Variants in PCDH9 observed in about 807,000 individuals in gnomAD.
PCDH9 encodes the protein protocadherin-9.
PCDH9 carries 24 observed loss-of-function variants against 70.6 expected under a neutral mutation model. The observed-to-expected ratio is 0.34, with a 90% CI of 0.25 to 0.48. PCDH9 has a LOEUF of 0.48. PCDH9 is among the 20% of genes least tolerant of loss of function. The probability of loss-of-function intolerance (pLI) is 0.99; values close to 1 mark genes in which losing one functional copy is unlikely to be tolerated. For synonymous variants in PCDH9, 562 were observed against 558.5 expected (o/e 1.01, Z -0.09); for missense variants, 1,281 against 1,503.6 (o/e 0.85, Z 2.45).
In PCDH9 at chr13:66,841,358, G is replaced by A. The variant is rs540388196; in HGVS notation, c.3138+62146C>T. On this transcript the variant is annotated intron_variant, in intron 3 of 4. Coordinates refer to ENST00000377865, the MANE Select transcript of PCDH9 (RefSeq NM_203487.3). Reference sequence around the variant, plus strand: ...TGAAAATTATGTGATTTCCCCCCACGCTTGTTTTTCATGTTTAACTAAGTG... The same window carrying A: ...TGAAAATTATGTGATTTCCCCCCACACTTGTTTTTCATGTTTAACTAAGTG... Among the ~76,000 whole-genome samples, 8 of 152,152 alleles carry A rather than the reference G, an allele frequency of 5.3e-5. No homozygotes were observed. The East Asian group carries it at 1.2e-3, about 22-fold the overall frequency.
chr13:67,205,612 C>G (rs191781002), intron 2 of PCDH9: 1 of 152,144 alleles, frequency 6.6e-6, no homozygotes, highest in Non-Finnish European at 1.5e-5. Flanking sequence ...TAAATAAGAA[C>G]TGTACTCATG....
chr13:66,588,117 T>C (rs1473146448), intron 4 of PCDH9, among the ~76,000 whole-genome samples: 1 of 152,074 alleles, frequency 6.6e-6, no homozygotes, highest in Non-Finnish European at 1.5e-5. Context: ...CTTGACAGAA[T>C]TTCCCTGTGG....
At chr13:66,396,503 G>A (rs1957103516) in intron 4 of PCDH9, among the ~76,000 whole-genome samples, 1 of 152,216 alleles carries the variant, frequency 6.6e-6, no homozygotes, top group East Asian at 1.9e-4. Context: ...TGTAGCAAAT[G>A]CTCATCAGCA....
At chr13:67,181,333 T>G (rs1297554468) in intron 2 of PCDH9, among the ~76,000 whole-genome samples, 2 of 152,152 alleles carry the variant, frequency 1.3e-5, no homozygotes, top group East Asian at 3.9e-4. Context: ...GCTATCGGTC[T>G]TAGTTTTTAG....
At chr13:67,152,221 G>A (rs1380827457) in intron 2 of PCDH9, among the ~76,000 whole-genome samples, 1 of 152,126 alleles carries the variant, frequency 6.6e-6, no homozygotes, top group Non-Finnish European at 1.5e-5. Flanking sequence ...ATAGGAAACG[G>A]AACTCTGCCA....
chr13:67,083,682 G>C (rs749814856), intron 2 of PCDH9, among the ~76,000 whole-genome samples: 27 of 152,152 alleles, frequency 1.8e-4, no homozygotes, highest in Non-Finnish European at 1.8e-4. Context: ...CTAAATGGAA[G>C]ATGTCAGAGT....
At chr13:67,057,425 G>A (rs1003662390) in intron 2 of PCDH9, among the ~76,000 whole-genome samples, 26 of 151,922 alleles carry the variant, frequency 1.7e-4, no homozygotes, top group African/African-American at 5.3e-4. Flanking sequence ...GAAGGATAAC[G>A]CGCCTCGGAT....
chr13:66,441,206 C>T (rs144204020), intron 4 of PCDH9, among the ~76,000 whole-genome samples: 193 of 152,206 alleles, frequency 1.3e-3, no homozygotes, highest in Middle Eastern at 6.8e-3. Flanking sequence ...GTGTGTTATC[C>T]GTAAGAGCTC....
chr13:66,482,919 G>GTAAC (rs1301255820), intron 4 of PCDH9, among the ~76,000 whole-genome samples: 1 of 152,112 alleles, frequency 6.6e-6, no homozygotes, highest in Non-Finnish European at 1.5e-5. Context: ...TGGTTCTGTG[G>GTAAC]TAACCTTTTT....
intron 2 of PCDH9, among the ~76,000 whole-genome samples, chr13:67,134,296 G>A (rs1396603703): frequency 1.3e-5 from 2 of 152,020 alleles, no homozygotes; most frequent in African/African-American, 4.8e-5. Context: ...TTAGATATAG[G>A]TCATTTCATT....
intron 2 of PCDH9, among the ~76,000 whole-genome samples, chr13:66,974,524 G>A (rs1178446210): frequency 1.3e-5 from 2 of 151,896 alleles, no homozygotes; most frequent in Non-Finnish European, 2.9e-5. Context: ...CAGAGTTGAG[G>A]GGGAGACAGT....
At chr13:66,770,658 A>G (rs1335837424) in intron 3 of PCDH9, among the ~76,000 whole-genome samples, 3 of 152,176 alleles carry the variant, frequency 2.0e-5, no homozygotes, top group Non-Finnish European at 2.9e-5. Flanking sequence ...ATAAGTCATC[A>G]ATGGACTGTT....
intron 3 of PCDH9, among the ~76,000 whole-genome samples, chr13:66,774,380 G>A (rs2079857310): frequency 6.6e-6 from 1 of 152,164 alleles, no homozygotes; most frequent in South Asian, 2.1e-4. Flanking sequence ...CTCCCAAACA[G>A]ATGGTTTACC....
intron 2 of PCDH9, among the ~76,000 whole-genome samples, chr13:66,972,813 T>C (rs1000783907): frequency 1.2e-4 from 19 of 152,050 alleles, no homozygotes; most frequent in Admixed American, 7.2e-4. Flanking sequence ...CTAATTCTTA[T>C]TGAAATTTTA....
intron 3 of PCDH9, among the ~76,000 whole-genome samples, chr13:66,688,330 C>G (rs1182203563): frequency 6.6e-6 from 1 of 152,064 alleles, no homozygotes; most frequent in Non-Finnish European, 1.5e-5. Flanking sequence ...AACTTGTGTC[C>G]TATTTATTTT....
intron 3 of PCDH9, among the ~76,000 whole-genome samples, chr13:66,670,099 T>G (rs987545553): frequency 3.9e-5 from 6 of 152,154 alleles, no homozygotes; most frequent in Non-Finnish European, 5.9e-5. Context: ...GTTATTTTCC[T>G]TATCAAATTC....
chr13:66,534,118 C>T (rs1189308652), intron 4 of PCDH9, among the ~76,000 whole-genome samples: 1 of 152,024 alleles, frequency 6.6e-6, no homozygotes. Context: ...GCAGCTAGCC[C>T]CAGCTACCAT....
chr13:66,506,594 C>T (rs1013550537), intron 4 of PCDH9, among the ~76,000 whole-genome samples: 2 of 152,070 alleles, frequency 1.3e-5, no homozygotes, highest in African/African-American at 2.4e-5. Flanking sequence ...GTCCATTTTG[C>T]GGTCAGTGAG....
chr13:67,030,334 G>A (rs909898048), intron 2 of PCDH9, among the ~76,000 whole-genome samples: 1 of 152,048 alleles, frequency 6.6e-6, no homozygotes, highest in Non-Finnish European at 1.5e-5. Context: ...CTTCAACTGA[G>A]GCTAAGAGGA....
Sources: allele counts gnomAD v4.1 joint callset (sites outside exome capture counted in the v4.1 genomes callset), GRCh38; gene constraint gnomAD v4.1.1; transcripts MANE v1.5; gene names NCBI Gene and HGNC (gene_info 2026-07-23, HGNC 2026-07-21).